SRRM3: variants seen among roughly 807,000 people sequenced by gnomAD.
SRRM3 encodes serine/arginine repetitive matrix protein 3.
In SRRM3, 27 loss-of-function variants were observed where a neutral mutation model predicts 66.2. That is an observed-to-expected ratio of 0.41 (90% confidence interval 0.30 to 0.56). The LOEUF (loss-of-function observed/expected upper bound fraction) is 0.56, where lower values mean the gene tolerates loss of function less well. Among genes scored for constraint, SRRM3 ranks in the 20% least tolerant of loss-of-function variants. The pLI is 0.32. For missense variants in SRRM3, 918 were observed against 991.9 expected, an observed-to-expected ratio of 0.93 and a Z score of 1.00; for synonymous variants, 391 against 414.9, an observed-to-expected ratio of 0.94 and a Z score of 0.70.
chr7:76,265,852 A>T (rs782293321), intron 10 of SRRM3, among the ~76,000 whole-genome samples: 378 of 9,022 alleles, frequency 0.042, 27 homozygotes, highest in East Asian at 0.2. Context: ...ATATATATAT[A>T]TATATATTTT....
intron 8 of SRRM3, 45 bp from the exon 9 acceptor site, chr7:76,264,720 A>C (rs782439086): frequency 1.2e-6 from 2 of 1,608,808 alleles, no homozygotes; most frequent in Non-Finnish European, 1.7e-6. Context: ...CGAAGGCCAC[A>C]CCCTCCCCGG....
intron 1 of SRRM3, among the ~76,000 whole-genome samples, chr7:76,221,803 G>A (rs1331486520): frequency 6.6e-6 from 1 of 152,128 alleles, no homozygotes; most frequent in Non-Finnish European, 1.5e-5. Flanking sequence ...GATTTATATG[G>A]ATCTATATTT....
chr7:76,250,829 G>A (rs782106212), intron 3 of SRRM3, among the ~76,000 whole-genome samples: 14 of 152,264 alleles, frequency 9.2e-5, no homozygotes, highest in Non-Finnish European at 1.3e-4. Context: ...AATATGCACC[G>A]TGTCATATTG....
At chr7:76,219,323 A>T (rs1202036413) in intron 1 of SRRM3, among the ~76,000 whole-genome samples, 9 of 152,190 alleles carry the variant, frequency 5.9e-5, no homozygotes, top group African/African-American at 1.9e-4. Flanking sequence ...ATCAATCTGC[A>T]CTGATCTCAC....
At chr7:76,264,639 G>C in intron 8 of SRRM3, 126 bp from the exon 9 acceptor site, 3 of 946,716 alleles carry the variant, frequency 3.2e-6, no homozygotes, top group Non-Finnish European at 4.8e-6. Flanking sequence ...GTCCCCGCCA[G>C]CCATGGGGCT....
chr7:76,213,692 A>C (rs1389542746), intron 1 of SRRM3, among the ~76,000 whole-genome samples: 1 of 152,046 alleles, frequency 6.6e-6, no homozygotes, highest in South Asian at 2.1e-4. Context: ...GGGGACTTGA[A>C]AGGGGTTATG....
chr7:76,203,552 G>A (rs575796080), intron 1 of SRRM3, among the ~76,000 whole-genome samples: 1 of 152,346 alleles, frequency 6.6e-6, no homozygotes, highest in East Asian at 1.9e-4. Context: ...CTGGATAAAT[G>A]TGGAATAGTG....
chr7:76,259,800 G>A, intron 3 of SRRM3, 106 bp from the exon 4 acceptor site: 2 of 1,553,102 alleles, frequency 1.3e-6, no homozygotes, highest in East Asian at 2.3e-5. Context: ...CCCCAGCCGG[G>A]TAGCAGCCCG....
Position 76,281,585 on chromosome 7 carries a change from AGGCGGCGGC to A in SRRM3, c.1164_1172del (p.Arg393_Arg395del), listed in dbSNP as rs1165004777. ...AGGCCGCGCGGCGGGCGGGGCGGGC[AGGCGGCGGC>A]GGCGGCGGCGTAGGCGGCGGCGCTC... is the stretch of plus-strand genomic sequence containing the variant. On this transcript the variant is annotated inframe_deletion, in exon 12 of 15. Transcript: ENST00000611745. The A allele has an allele frequency of 9.5e-5, 93 of 982,056 alleles. No homozygotes were observed. The highest frequency in any genetic ancestry group is 1.1e-4 in the Non-Finnish European group (88 of 829,098). 60.8% of individuals were successfully genotyped at this position (982,056 alleles called of 1,614,324 possible).
intron 3 of SRRM3, among the ~76,000 whole-genome samples, chr7:76,248,548 C>G (rs956692447): frequency 1.2e-4 from 18 of 152,178 alleles, no homozygotes; most frequent in Non-Finnish European, 2.4e-4. Context: ...CAGTGGGAGG[C>G]ATGGGGAAGG....
At chr7:76,220,118 T>C (rs1800672085) in intron 1 of SRRM3, among the ~76,000 whole-genome samples, 1 of 152,180 alleles carries the variant, frequency 6.6e-6, no homozygotes, top group Non-Finnish European at 1.5e-5. Flanking sequence ...AGGCGGGGTC[T>C]CAGCAAACAG....
chr7:76,273,990 T>A (rs1802274604), intron 11 of SRRM3, among the ~76,000 whole-genome samples: 1 of 152,248 alleles, frequency 6.6e-6, no homozygotes, highest in African/African-American at 2.4e-5. Flanking sequence ...CAAGTTTGTG[T>A]TTCTTTCCTG....
chr7:76,250,718 A>G (rs1024883901), intron 3 of SRRM3, among the ~76,000 whole-genome samples: 8 of 152,244 alleles, frequency 5.3e-5, no homozygotes, highest in Non-Finnish European at 1.0e-4. Flanking sequence ...GACAGGCTCC[A>G]GCCTGGGTGA....
chr7:76,233,441 T>C (rs1801061579), intron 1 of SRRM3, among the ~76,000 whole-genome samples: 7 of 151,632 alleles, frequency 4.6e-5, no homozygotes, highest in Admixed American at 3.3e-4. Context: ...GATAGAGGGG[T>C]CACCCATGAG....
At chr7:76,265,262 G>C in intron 9 of SRRM3, 102 bp from the exon 10 acceptor site, 1 of 729,292 alleles carries the variant, frequency 1.4e-6, no homozygotes, top group South Asian at 2.0e-5. Flanking sequence ...GCTTTCAGTA[G>C]GGTTCCACTG....
intron 11 of SRRM3, among the ~76,000 whole-genome samples, chr7:76,274,106 G>C (rs1446847800): frequency 1.3e-5 from 2 of 152,364 alleles, no homozygotes; most frequent in African/African-American, 4.8e-5. Context: ...CGGTCACCCC[G>C]CTGGCCTTCA....
chr7:76,244,326 A>G (rs562540347), intron 2 of SRRM3, among the ~76,000 whole-genome samples: 2 of 152,166 alleles, frequency 1.3e-5, no homozygotes, highest in Non-Finnish European at 2.9e-5. Context: ...GGAGTTTGAG[A>G]CCAGCCTGGC....
intron 11 of SRRM3, among the ~76,000 whole-genome samples, chr7:76,275,294 G>C (rs1014426818): frequency 6.6e-6 from 1 of 151,790 alleles, no homozygotes; most frequent in African/African-American, 2.4e-5. Flanking sequence ...ACACTGGGTG[G>C]TGCCAGGAGG....
intron 1 of SRRM3, among the ~76,000 whole-genome samples, chr7:76,207,318 GAGAA>G (rs2116925526): frequency 6.6e-6 from 1 of 151,672 alleles, no homozygotes; most frequent in South Asian, 2.1e-4. Context: ...AGAAAACACA[GAGAA>G]AGAGAGAGAG....
Sources: gnomAD v4.1 joint callset for allele counts (sites outside exome capture counted in the v4.1 genomes callset) on GRCh38, gnomAD v4.1.1 for gene constraint, MANE v1.5 for transcripts, NCBI Gene and HGNC (gene_info 2026-07-23, HGNC 2026-07-21) for gene names.